The following FHIT variants were observed in gnomAD, a reference collection of about 807,000 sequenced individuals.
The protein encoded by FHIT is bis(5'-adenosyl)-triphosphatase.
A neutral mutation model predicts 17.9 loss-of-function variants in FHIT; 19 were observed. That is an observed-to-expected ratio of 1.06 (90% CI 0.74 to 1.56). FHIT has a LOEUF of 1.56. FHIT is among the 40% of genes most tolerant of loss of function. FHIT has a pLI of 0.00. For synonymous variants in FHIT, 81 were observed against 69.7 expected, an observed-to-expected ratio of 1.16 and a Z score of -0.81; for missense variants, 248 against 189.2, an observed-to-expected ratio of 1.31 and a Z score of -1.82.
At chr3:59,905,091 T>G (rs999791400) in intron 8 of FHIT, among the ~76,000 whole-genome samples, 10 of 152,220 alleles carry the variant, frequency 6.6e-5, no homozygotes, top group African/African-American at 2.2e-4. Flanking sequence ...CCACTTGAGG[T>G]GGGGTTTCAC....
At chr3:59,791,320 G>A (rs1392808898) in intron 8 of FHIT, among the ~76,000 whole-genome samples, 1 of 152,146 alleles carries the variant, frequency 6.6e-6, no homozygotes, top group Non-Finnish European at 1.5e-5. Context: ...TACTGAAGCA[G>A]CGGGGGTGGG....
In FHIT at chr3:60,011,454, C is replaced by T. The variant is rs1700136967; in HGVS notation, c.250-54G>A. 1.5e-5 allele frequency: 21 copies of T among 1,433,434 alleles called. No individual in the cohort carries two copies. The South Asian group carries it at 2.3e-4, about 16-fold the overall frequency. The allele number at this position is 1,433,434 out of a possible 1,614,324, so 88.8% of individuals were successfully genotyped here. ...GAGAATAGATAGATGGTATCTCCTGCTTATTCAGAAATATCACCCATTAAT... is the reference window on the plus strand; with the variant it reads ...GAGAATAGATAGATGGTATCTCCTGTTTATTCAGAAATATCACCCATTAAT... On this transcript the variant is annotated intron_variant, in intron 6 of 9. Transcript: ENST00000492590.
intron 5 of FHIT, among the ~76,000 whole-genome samples, chr3:60,231,715 G>A (rs1704504506): frequency 6.6e-6 from 1 of 152,146 alleles, no homozygotes; most frequent in African/African-American, 2.4e-5. Flanking sequence ...TATCAGTAAA[G>A]TATTATTATT....
chr3:61,199,313 C>G (rs1198252104), intron 2 of FHIT, among the ~76,000 whole-genome samples: 1 of 152,168 alleles, frequency 6.6e-6, no homozygotes. Context: ...ACCACCAAAT[C>G]CAATTATTCA....
chr3:60,361,615 G>T (rs1576537696), intron 5 of FHIT, among the ~76,000 whole-genome samples: 2 of 152,116 alleles, frequency 1.3e-5, no homozygotes, highest in Admixed American at 6.5e-5. Flanking sequence ...AGTTATGTAG[G>T]TAAAGGGGTA....
At chr3:60,799,341 A>G (rs969771363) in intron 4 of FHIT, among the ~76,000 whole-genome samples, 1 of 152,010 alleles carries the variant, frequency 6.6e-6, no homozygotes, top group Non-Finnish European at 1.5e-5. Context: ...TGCCCAGCTA[A>G]TTTTGTATTT....
chr3:60,891,985 G>C (rs1553760824), intron 3 of FHIT, among the ~76,000 whole-genome samples: 1 of 152,190 alleles, frequency 6.6e-6, no homozygotes, highest in African/African-American at 2.4e-5. Flanking sequence ...CGAGGTTTCT[G>C]TTGCTTGAAT....
intron 8 of FHIT, among the ~76,000 whole-genome samples, chr3:59,781,880 G>A (rs73840814): frequency 0.042 from 6,461 of 152,288 alleles, 206 homozygotes; most frequent in South Asian, 0.08. Context: ...TATGATAGCA[G>A]TGTTGAAGCC....
chr3:59,906,835 A>G (rs1704605734), intron 8 of FHIT, among the ~76,000 whole-genome samples: 1 of 152,230 alleles, frequency 6.6e-6, no homozygotes, highest in South Asian at 2.1e-4. Context: ...GTTTTGAAAT[A>G]GTAGGGAGCT....
At chr3:59,838,086 T>TCATTCACTCTCGC (rs1701402502) in intron 8 of FHIT, among the ~76,000 whole-genome samples, 1 of 152,080 alleles carries the variant, frequency 6.6e-6, no homozygotes, top group South Asian at 2.1e-4. Flanking sequence ...CTCTCCACAG[T>TCATTCACTCTCGC]CATTCACTCT....
At chr3:60,075,908 T>C (rs1027648130) in intron 5 of FHIT, among the ~76,000 whole-genome samples, 6 of 152,106 alleles carry the variant, frequency 3.9e-5, no homozygotes. Flanking sequence ...TGGCTTTAAC[T>C]GGTAACTATC....
At chr3:59,895,052 G>A (rs768985674) in intron 8 of FHIT, among the ~76,000 whole-genome samples, 6 of 152,224 alleles carry the variant, frequency 3.9e-5, no homozygotes, top group Non-Finnish European at 8.8e-5. Flanking sequence ...ATTTGACAAT[G>A]TCTGGAGACA....
At chr3:60,854,616 C>T (rs752266299) in intron 3 of FHIT, among the ~76,000 whole-genome samples, 2 of 145,940 alleles carry the variant, frequency 1.4e-5, no homozygotes, top group Non-Finnish European at 3.0e-5. Context: ...TTGTCATAGA[C>T]GGCTGCTGGA....
intron 5 of FHIT, among the ~76,000 whole-genome samples, chr3:60,351,299 A>G (rs745414758): frequency 9.2e-5 from 14 of 152,164 alleles, no homozygotes; most frequent in Non-Finnish European, 1.9e-4. Flanking sequence ...TACTTTCTCA[A>G]TGAAGGAAGC....
intron 7 of FHIT, among the ~76,000 whole-genome samples, chr3:59,940,573 G>C (rs1243709834): frequency 6.6e-6 from 1 of 152,108 alleles, no homozygotes; most frequent in Non-Finnish European, 1.5e-5. Flanking sequence ...TCTCCCACTG[G>C]GGTACAAATC....
At chr3:60,579,174 C>T (rs1490497102) in intron 4 of FHIT, among the ~76,000 whole-genome samples, 1 of 152,102 alleles carries the variant, frequency 6.6e-6, no homozygotes, top group African/African-American at 2.4e-5. Flanking sequence ...GCACAAACAT[C>T]ATAAGAGTGC....
At chr3:60,733,223 C>A (rs2042068815) in intron 4 of FHIT, among the ~76,000 whole-genome samples, 2 of 152,168 alleles carry the variant, frequency 1.3e-5, no homozygotes, top group South Asian at 4.1e-4. Context: ...AATCGCTACT[C>A]CCTCTCAGCC....
chr3:60,937,944 C>A (rs1208174039), intron 3 of FHIT, among the ~76,000 whole-genome samples: 1 of 152,072 alleles, frequency 6.6e-6, no homozygotes, highest in Non-Finnish European at 1.5e-5. Context: ...AAATACCAAT[C>A]CCTGTCGCTG....
intron 4 of FHIT, among the ~76,000 whole-genome samples, chr3:60,639,838 A>G (rs1553684890): frequency 1.3e-5 from 2 of 152,212 alleles, no homozygotes; most frequent in South Asian, 2.1e-4. Flanking sequence ...GTCCACACAA[A>G]TATCTATACA....
Sources: gnomAD v4.1 joint callset for allele counts (sites outside exome capture counted in the v4.1 genomes callset) on GRCh38, gnomAD v4.1.1 for gene constraint, MANE v1.5 for transcripts, NCBI Gene and HGNC (gene_info 2026-07-23, HGNC 2026-07-21) for gene names.